Variants in CFAP47 observed in about 807,000 individuals in gnomAD.
CFAP47 encodes the protein cilia- and flagella-associated protein 47.
Under a neutral mutation model 148.1 loss-of-function variants are expected in CFAP47, and 29 were observed. The observed-to-expected ratio is 0.20, with a 90% confidence interval of 0.15 to 0.27. The LOEUF is 0.27. CFAP47 is among the 10% of genes least tolerant of loss of function. CFAP47 has a pLI of 1.00. For missense variants in CFAP47, 1,872 were observed against 1,697.5 expected (o/e 1.10, Z -1.81); for synonymous variants, 664 against 577.3 (o/e 1.15, Z -2.15).
intron 56 of CFAP47, among the ~76,000 whole-genome samples, chrX:36,316,246 T>C (rs1198284787): frequency 8.9e-6 from 1 of 111,801 alleles, no homozygotes; most frequent in East Asian, 2.8e-4. Flanking sequence ...TGAAATCTAC[T>C]TAACAGATTA....
Position 35,956,004 on chromosome X carries a change from A to G in CFAP47, c.1218A>G (p.Gly406=), listed in dbSNP as rs1936239641. The G allele has an allele frequency of 5.0e-6, 6 of 1,210,590 alleles. No individual in the cohort carries two copies. The highest frequency in any genetic ancestry group is 6.7e-6 in the Non-Finnish European group (6 of 895,373). Residue 406 remains glycine, a synonymous_variant, in exon 8 of 64, where the codon GGA becomes GGG. Coordinates refer to ENST00000378653, the MANE Select transcript of CFAP47 (RefSeq NM_001304548.2). ...QKVELALTGT[G]LPVLLQFDPG... ...TGGAATTAGCACTGACAGGCACAGG[A>G]CTTCCTGTTTTACTACAGTTTGATC...
chrX:36,211,429 G>A, intron 45 of CFAP47: 1 of 255,949 alleles, frequency 3.9e-6, no homozygotes, highest in Admixed American at 4.3e-5. Flanking sequence ...TTTCTGTTCT[G>A]TTCTGAGTAT....
At chrX:36,041,922 T>C (rs1449889375) in intron 25 of CFAP47, among the ~76,000 whole-genome samples, 1 of 79,368 alleles carries the variant, frequency 1.3e-5, no homozygotes, top group Non-Finnish European at 2.3e-5. Context: ...CAAGACTCCA[T>C]CTCAAAAAAA....
At chrX:36,323,997 G>A (rs182280124) in intron 57 of CFAP47, among the ~76,000 whole-genome samples, 29 of 111,250 alleles carry the variant, frequency 2.6e-4, no homozygotes, top group African/African-American at 8.5e-4. Flanking sequence ...TGTTCCTTTC[G>A]TTATCATTCA....
chrX:35,994,717 G>A (rs1379282724), intron 18 of CFAP47, among the ~76,000 whole-genome samples: 1 of 110,384 alleles, frequency 9.1e-6, no homozygotes, highest in East Asian at 2.8e-4. Flanking sequence ...CAAAAATGTA[G>A]GTTTTACTAA....
chrX:36,021,104 A>G (rs1937152300), intron 22 of CFAP47, among the ~76,000 whole-genome samples: 1 of 111,357 alleles, frequency 9.0e-6, no homozygotes, highest in African/African-American at 3.3e-5. Flanking sequence ...AGCAAAAAGA[A>G]AACTAATGAA....
intron 26 of CFAP47, among the ~76,000 whole-genome samples, chrX:36,049,410 T>C (rs1193098426): frequency 1.8e-5 from 2 of 109,858 alleles, no homozygotes; most frequent in Admixed American, 2.0e-4. Flanking sequence ...GTTACACTAC[T>C]ATATGTCATA....
chrX:36,081,081 A>G, intron 29 of CFAP47, among the ~76,000 whole-genome samples: 1 of 111,650 alleles, frequency 9.0e-6, no homozygotes, highest in East Asian at 2.8e-4. Flanking sequence ...AAAGATAAAC[A>G]AGATTGATAG....
At chrX:36,083,674 G>A (rs912494748) in intron 29 of CFAP47, among the ~76,000 whole-genome samples, 2 of 111,345 alleles carry the variant, frequency 1.8e-5, no homozygotes, top group African/African-American at 3.2e-5. Flanking sequence ...TCATTTTACT[G>A]CATGTTTGCT....
intron 1 of CFAP47, among the ~76,000 whole-genome samples, chrX:35,922,853 T>TTATTA (rs1935599205): frequency 8.9e-6 from 1 of 112,243 alleles, no homozygotes; most frequent in African/African-American, 3.2e-5. Flanking sequence ...GGAGGCTGGC[T>TTATTA]TATTATCTGC....
At chrX:36,143,919 G>A (rs1355718216) in intron 35 of CFAP47, among the ~76,000 whole-genome samples, 2 of 111,050 alleles carry the variant, frequency 1.8e-5, no homozygotes, top group African/African-American at 6.6e-5. Context: ...CAGAAATCAA[G>A]TCCCTCACCC....
At chrX:35,981,092 A>C (rs1176065500) in intron 15 of CFAP47, among the ~76,000 whole-genome samples, 1 of 110,062 alleles carries the variant, frequency 9.1e-6, no homozygotes, top group African/African-American at 3.3e-5. Context: ...CATTAGTACC[A>C]CACAAAGGAG....
At chrX:36,248,208 T>G (rs1940643239) in intron 48 of CFAP47, among the ~76,000 whole-genome samples, 1 of 106,249 alleles carries the variant, frequency 9.4e-6, no homozygotes, top group Admixed American at 1.0e-4. Context: ...TTATGTATTA[T>G]ATATCATATA....
At chrX:36,131,815 C>T (rs765250452) in intron 33 of CFAP47, among the ~76,000 whole-genome samples, 4 of 110,718 alleles carry the variant, frequency 3.6e-5, no homozygotes, top group South Asian at 7.4e-4. Context: ...TCCATAGTGA[C>T]GGAATGTACA....
intron 55 of CFAP47, among the ~76,000 whole-genome samples, chrX:36,307,390 A>G (rs1556009056): frequency 1.8e-5 from 2 of 111,138 alleles, no homozygotes; most frequent in Non-Finnish European, 3.8e-5. Flanking sequence ...TAATGGAAGT[A>G]CTGTTATCAA....
intron 27 of CFAP47, among the ~76,000 whole-genome samples, chrX:36,068,482 A>G (rs1437945309): frequency 8.9e-6 from 1 of 111,885 alleles, no homozygotes; most frequent in Non-Finnish European, 1.9e-5. Flanking sequence ...ATAAACCATC[A>G]GGAAGGCATC....
chrX:36,112,289 C>T (rs1220692012), intron 33 of CFAP47, among the ~76,000 whole-genome samples: 1 of 111,396 alleles, frequency 9.0e-6, no homozygotes. Flanking sequence ...CCCAGAGATT[C>T]TGGTATGTTG....
In CFAP47 at chrX:36,235,958, A is replaced by G. The variant is rs1031222923; in HGVS notation, c.7039A>G (p.Thr2347Ala). The change falls in exon 47 of 64, where the codon ACC becomes GCC. Residue 2347 changes from threonine to alanine, a missense_variant. Transcript: ENST00000378653. ...GAAAAATCAAACAAACGATAAATGG[A>G]CCTTTCAAGTTACTATAGAAGGAGA... is the stretch of plus-strand genomic sequence containing the variant. Reference protein sequence around the residue: ...PIKNQTNDKWTFQVTIEGEWF... With the variant: ...PIKNQTNDKWAFQVTIEGEWF... 15 of 500,178 alleles carry G rather than the reference A, an allele frequency of 3.0e-5. No individual in the cohort carries two copies. The highest frequency in any genetic ancestry group is 5.4e-5 in the Non-Finnish European group (15 of 277,544). The allele number at this position is 500,178 out of a possible 1,213,427, so 41.2% of individuals were successfully genotyped here.
At chrX:36,120,180 T>G (rs1938716864) in intron 33 of CFAP47, among the ~76,000 whole-genome samples, 1 of 108,393 alleles carries the variant, frequency 9.2e-6, no homozygotes, top group African/African-American at 3.4e-5. Flanking sequence ...TTTTTTTTTT[T>G]TGTATTTTTA....
Sources: gnomAD v4.1 joint callset for allele counts (sites outside exome capture counted in the v4.1 genomes callset) on GRCh38, gnomAD v4.1.1 for gene constraint, MANE v1.5 for transcripts, NCBI Gene and HGNC (gene_info 2026-07-23, HGNC 2026-07-21) for gene names.